MEAK7: variants seen among roughly 807,000 people sequenced by gnomAD.
MEAK7 encodes the protein MTOR-associated protein MEAK7.
MEAK7 carries 68 observed loss-of-function variants against 40.5 expected under a neutral mutation model. The observed-to-expected ratio is 1.68, with a 90% confidence interval of 1.38 to 2.06. MEAK7 has a LOEUF of 2.06. Ranked by LOEUF, MEAK7 falls within the 30% of genes most tolerant of loss-of-function variation. MEAK7 has a pLI of 0.00. For synonymous variants in MEAK7, 338 were observed against 231.9 expected, an observed-to-expected ratio of 1.46 and a Z score of -4.16; for missense variants, 918 against 580.5, an observed-to-expected ratio of 1.58 and a Z score of -5.98.
intron 4 of MEAK7, among the ~76,000 whole-genome samples, chr16:84,488,677 C>T (rs923497464): frequency 1.3e-5 from 2 of 152,088 alleles, no homozygotes; most frequent in African/African-American, 4.8e-5. Flanking sequence ...TTAAATAACA[C>T]ACTGTTACAT....
chr16:84,496,672 G>A (rs1366900813), intron 2 of MEAK7, among the ~76,000 whole-genome samples: 1 of 152,052 alleles, frequency 6.6e-6, no homozygotes, highest in Non-Finnish European at 1.5e-5. Context: ...AAATGCTCCT[G>A]CATCACCAGG....
rs943720302 is a variant in MEAK7 at position 84,489,220 on chromosome 16, G to A, written c.529+58C>T. The A allele has an allele frequency of 9.5e-6, 15 of 1,580,738 alleles. 1 individual carries two copies. The Admixed American group carries it at 2.3e-4, about 24-fold the overall frequency. ...TTTACTACACAGCTACAGTAATGGA[G>A]ACAGCAGGTACCGCTCTACAGCAAA... On this transcript the variant is annotated intron_variant, in intron 4 of 7. Coordinates refer to ENST00000343629, the MANE Select transcript of MEAK7 (RefSeq NM_020947.4).
chr16:84,479,922 G>C lies in MEAK7; in HGVS notation c.1362C>G (p.Asp454Glu), dbSNP rs142989005. The C allele has an allele frequency of 3.9e-5, 63 of 1,602,606 alleles. No individual in the cohort carries two copies. The highest frequency in any genetic ancestry group is 5.4e-5 in the Non-Finnish European group (63 of 1,171,860). Residue 454 changes from aspartate (D) to glutamate (E), a missense_variant, in exon 8 of 8, where the codon GAC (aspartate) becomes GAG (glutamate). Coordinates refer to ENST00000343629, the MANE Select transcript of MEAK7 (RefSeq NM_020947.4). ...RHSEGLREVP[D>E]DE ...AGGCTCAGGCGGCTCCTCATTCATCGTCCGGGACTTCCCGGAGCCCTTCGC... is the reference window on the plus strand; with the variant it reads ...AGGCTCAGGCGGCTCCTCATTCATCCTCCGGGACTTCCCGGAGCCCTTCGC...
Position 84,477,821 on chromosome 16 carries a change from A to T in MEAK7, c.*2092T>A, listed in dbSNP as rs1297624414. The T allele has an allele frequency of 6.6e-6, 1 of 152,208 alleles. No homozygotes were observed. The highest frequency in any genetic ancestry group is 1.9e-4 in the East Asian group (1 of 5,180). 9.4% of individuals were successfully genotyped at this position (152,208 alleles called of 1,614,324 possible). ...TGAGTGTCCAGAGGCAGAACCGTGC[A>T]CCAAGAGAAGCCCACAGAGAGAGCT... On this transcript the variant is annotated 3_prime_UTR_variant, in exon 8 of 8. Coordinates refer to ENST00000343629, the MANE Select transcript of MEAK7 (RefSeq NM_020947.4).
At chr16:84,482,536 C>T (rs1053137849) in intron 6 of MEAK7, 56 bp downstream of exon 6, 2 of 1,613,040 alleles carry the variant, frequency 1.2e-6, no homozygotes, top group Non-Finnish European at 1.7e-6. Flanking sequence ...TCGGGGTTGA[C>T]ACCTTTGCTG....
intron 5 of MEAK7, among the ~76,000 whole-genome samples, chr16:84,485,663 C>CATCTACCT (rs1555512552): frequency 6.7e-6 from 1 of 149,782 alleles, no homozygotes; most frequent in Non-Finnish European, 1.5e-5. Context: ...TCCATCCATC[C>CATCTACCT]ATCTATCTAC....
chr16:84,480,106 T>C (rs777245415), intron 7 of MEAK7, 80 bp from the exon 8 acceptor site: 84 of 1,179,288 alleles, frequency 7.1e-5, no homozygotes, highest in East Asian at 1.1e-4. Context: ...TTTCCAGCCT[T>C]CTTGGGTGGA....
At position 84,482,657 on chromosome 16, in the gene MEAK7, G is replaced by T. The variant is rs761326147; in HGVS notation, c.1012C>A (p.His338Asn). The change falls in exon 6 of 8, where the codon CAC (histidine) becomes AAC (asparagine). Residue 338 changes from histidine to asparagine, a missense_variant. Transcript: ENST00000343629. Reference protein sequence around the residue: ...SICPSMAVYTHTGYNDHYMYL... With the variant: ...SICPSMAVYTNTGYNDHYMYL... The stretch of plus-strand genomic sequence containing the variant: ...ATGTAGTGGTCGTTGTAGCCCGTGT[G>T]TGTGTACACAGCCATGCTGGGGCAG... The T allele has an allele frequency of 3.1e-6, 5 of 1,614,146 alleles. No homozygotes were observed. Among genetic ancestry groups the T allele is most frequent in the Non-Finnish European group, 4.2e-6 (5 of 1,180,056 alleles).
At chr16:84,488,955 G>A (rs1227952094) in intron 4 of MEAK7, among the ~76,000 whole-genome samples, 2 of 151,876 alleles carry the variant, frequency 1.3e-5, no homozygotes, top group Admixed American at 1.3e-4. Context: ...ATAGAAACTA[G>A]AAAGACAACA....
intron 7 of MEAK7, 117 bp from the exon 8 acceptor site, chr16:84,480,143 C>A (rs1281024417): frequency 2.4e-5 from 19 of 797,258 alleles, no homozygotes; most frequent in Admixed American, 3.1e-5. Context: ...CCCTAAGGCC[C>A]CTCCCACTCT....
At chr16:84,482,407 G>A (rs539692616) in intron 6 of MEAK7, among the ~76,000 whole-genome samples, 185 bp downstream of exon 6, 2 of 152,310 alleles carry the variant, frequency 1.3e-5, no homozygotes, top group Admixed American at 6.5e-5. Context: ...TTCTCTAAGG[G>A]AAACCCTGGC....
rs142649812 is a variant in MEAK7, at chr16:84,486,716, G to A, written c.873C>T (p.Pro291=). 6.2e-7 allele frequency: 1 copy of A among 1,613,918 alleles called. No individual in the cohort carries two copies. The highest frequency in any genetic ancestry group is 8.5e-7 in the Non-Finnish European group (1 of 1,179,912). The change falls in exon 5 of 8, where the codon CCC becomes CCT. Residue 291 remains proline (P), a synonymous_variant. Transcript: ENST00000343629. ...QLCGHITHRG[P]CVAVLEDHDK... is the part of the protein sequence containing the mutation. ...CATGGTCCTCGAGGACAGCCACACA[G>A]GGTCCCCGGTGAGTGATGTGGCCAC...
Position 84,497,967 on chromosome 16 carries a change from G to C in MEAK7, c.120C>G (p.Val40=), listed in dbSNP as rs778201102. ...CCTTCAGAGAGAAGGATTTGGATGA[G>C]ACATTCGGGCTGTTTTTATCTGATG... ...ALSSDKNSPN[V]SSKSFSLKAL... The change falls in exon 2 of 8, where the codon GTC becomes GTG. Residue 40 remains valine, a synonymous_variant. Transcript: ENST00000343629. 2 of 1,614,224 alleles carry C rather than the reference G, an allele frequency of 1.2e-6. No homozygotes were observed. The highest frequency in any genetic ancestry group is 1.7e-6 in the Non-Finnish European group (2 of 1,180,042).
intron 3 of MEAK7, among the ~76,000 whole-genome samples, chr16:84,491,017 G>C (rs557305971): frequency 1.3e-5 from 2 of 152,152 alleles, no homozygotes; most frequent in Non-Finnish European, 2.9e-5. Context: ...GTCTAAAAAA[G>C]TTATTACTAC....
chr16:84,483,962 C>G (rs1465082250), intron 5 of MEAK7, among the ~76,000 whole-genome samples: 1 of 152,220 alleles, frequency 6.6e-6, no homozygotes, highest in Non-Finnish European at 1.5e-5. Context: ...GCTTGCTTCA[C>G]TGGGTTTCAG....
At position 84,479,641 on chromosome 16, in the gene MEAK7, A is replaced by G. The variant is rs1231468765; in HGVS notation, c.*272T>C. On this transcript the variant is annotated 3_prime_UTR_variant, in exon 8 of 8. Coordinates refer to ENST00000343629, the MANE Select transcript of MEAK7 (RefSeq NM_020947.4). ...AAAGAACAAAGTATAAGACTGAGTT[A>G]CTAATTTGACACAAGATTTCTTGGA... 3.0e-6 allele frequency: 1 copy of G among 332,596 alleles called. No individual in the cohort carries two copies. The highest frequency in any genetic ancestry group is 4.6e-5 in the East Asian group (1 of 21,926). 20.6% of individuals were successfully genotyped at this position (332,596 alleles called of 1,614,324 possible). A position where few individuals can be genotyped will look rare whatever the true frequency, so the allele number is the denominator to read the frequency against.
Position 84,489,426 on chromosome 16 carries a change from T to C in MEAK7, c.385-4A>G, listed in dbSNP as rs1187755034. The C allele has an allele frequency of 6.2e-7, 1 of 1,603,916 alleles. No individual in the cohort carries two copies. The highest frequency in any genetic ancestry group is 8.5e-7 in the Non-Finnish European group (1 of 1,174,064). On this transcript the variant is annotated splice_region_variant and splice_polypyrimidine_tract_variant and intron_variant, in intron 3 of 7. Coordinates refer to ENST00000343629, the MANE Select transcript of MEAK7 (RefSeq NM_020947.4). ...AGCCAACCAGATCCTCTGTAAACTG[T>C]AAGATCACAATTTTACCATTAAAAA...
chr16:84,482,816 C>T, intron 5 of MEAK7, 106 bp from the exon 6 acceptor site: 1 of 1,507,338 alleles, frequency 6.6e-7, no homozygotes, highest in Non-Finnish European at 9.0e-7. Context: ...GGGCCAAGAC[C>T]CTTCTCACCC....
rs753467240 is a variant in MEAK7 at position 84,479,994 on chromosome 16, G to T, written c.1290C>A (p.Asp430Glu). 6 of 1,608,864 alleles carry T rather than the reference G, an allele frequency of 3.7e-6. No homozygotes were observed. Among genetic ancestry groups the T allele is most frequent in the East Asian group, 2.2e-5 (1 of 44,594 alleles). ...TCTCCAGCAGGGCCTGGGCCTCAGG[G>T]TCCGCATCCAGGATGCTCTTGTTGC... The part of the protein sequence containing the change: ...AKGNKSILDA[D>E]PEAQALLEIS... Residue 430 changes from aspartate to glutamate, a missense_variant, in exon 8 of 8, where the codon GAC becomes GAA. Coordinates refer to ENST00000343629, the MANE Select transcript of MEAK7 (RefSeq NM_020947.4).
Sources: gnomAD v4.1 joint callset for allele counts (sites outside exome capture counted in the v4.1 genomes callset) on GRCh38, gnomAD v4.1.1 for gene constraint, MANE v1.5 for transcripts, NCBI Gene and HGNC (gene_info 2026-07-23, HGNC 2026-07-21) for gene names.